Variants in ATP8B2 observed in about 807,000 individuals in gnomAD.
ATP8B2 encodes ATPase phospholipid transporting 8B2.
Under a neutral mutation model 133.4 loss-of-function variants are expected in ATP8B2, and 70 were observed. The ratio of observed to expected loss-of-function variants is 0.52; its 90% CI spans 0.43 to 0.64. The LOEUF (loss-of-function observed/expected upper bound fraction) is 0.64. Ranked by LOEUF, ATP8B2 falls within the 30% of genes least tolerant of loss-of-function variation. The pLI is 0.00. For synonymous variants in ATP8B2, 517 were observed against 589.5 expected (o/e 0.88, Z 1.78); for missense variants, 1,101 against 1,535.7 (o/e 0.72, Z 4.73).
chr1:154,334,508 G>C lies in ATP8B2; in HGVS notation c.754G>C (p.Asp252His), dbSNP rs373054368. The C allele has an allele frequency of 6.2e-7, 1 of 1,613,910 alleles. No homozygotes were observed. Among genetic ancestry groups the C allele is most frequent in the Non-Finnish European group, 8.5e-7 (1 of 1,180,022 alleles). Reference protein sequence around the residue: ...CFGLVIFAGPDTKLMQNSGRT... With the variant: ...CFGLVIFAGPHTKLMQNSGRT... ...CCCTTCCCATTCTTTTCCAGGTCCC[G>C]ACACTAAGCTGATGCAAAACAGCGG... The change falls in exon 11 of 28, where the codon GAC becomes CAC. Residue 252 changes from aspartate to histidine, a missense_variant. Transcript: ENST00000368489. This position sits in a 1 kb window ranked among gnomAD's most constrained non-coding sequence, Gnocchi z 4.6.
rs760108744 is a variant in ATP8B2, at chr1:154,343,898, C to T, written c.1764C>T (p.Tyr588=). 2.1e-5 allele frequency: 33 copies of T among 1,608,410 alleles called. No individual in the cohort carries two copies. The highest frequency in any genetic ancestry group is 4.0e-5 in the African/African-American group (3 of 74,696). Residue 588 remains tyrosine, a synonymous_variant, in exon 18 of 28, where the codon TAC becomes TAT. Coordinates refer to ENST00000368489, the MANE Select transcript of ATP8B2 (RefSeq NM_001370597.1). This position sits in a 1 kb window ranked among gnomAD's most constrained non-coding sequence, Gnocchi z 5.8. ...LNTTMDHLNE[Y]AGEGLRTLVL... ...CCTTTCCACTCTGCCTCCAGGAGTA[C>T]GCAGGGGAAGGGCTGAGGACCCTGG...
rs954996857 is a variant in ATP8B2, at chr1:154,328,636, C to T, written c.31+464C>T. Among the ~76,000 whole-genome samples, 2 of 152,102 alleles carry T rather than the reference C, an allele frequency of 1.3e-5. No homozygotes were observed. Among genetic ancestry groups the T allele is most frequent in the Non-Finnish European group, 2.9e-5 (2 of 67,978 alleles). ...CGGGGGTGGGAGGGGAGGCGGGGCTCGCGCGCGAGCTTTCGCCTACGCGGC... is the reference window on the plus strand; with the variant it reads ...CGGGGGTGGGAGGGGAGGCGGGGCTTGCGCGCGAGCTTTCGCCTACGCGGC... On this transcript the variant is annotated intron_variant, in intron 2 of 27. Transcript: ENST00000368489. The surrounding 1 kb of genome is among the most constrained non-coding windows in gnomAD (Gnocchi z 4.6).
At position 154,346,765 on chromosome 1, in the gene ATP8B2, C is replaced by T. The variant is rs754511259; in HGVS notation, c.3163+7C>T. The T allele has an allele frequency of 2.5e-6, 4 of 1,613,874 alleles. No individual in the cohort carries two copies. The South Asian group carries it at 3.3e-5, about 13-fold the overall frequency. ...AACCAGTTCCGGTTTGTGGGTAAGT[C>T]CCCGTGGCCTCCTTGAATCGGTGAG... On this transcript the variant is annotated splice_region_variant and intron_variant, in intron 26 of 27. Coordinates refer to ENST00000368489, the MANE Select transcript of ATP8B2 (RefSeq NM_001370597.1). This position sits in a 1 kb window ranked among gnomAD's most constrained non-coding sequence, Gnocchi z 4.5.
Position 154,346,693 on chromosome 1 carries a change from C to T in ATP8B2, c.3098C>T (p.Ala1033Val). 1 of 1,614,202 alleles carries T rather than the reference C, an allele frequency of 6.2e-7. No individual in the cohort carries two copies. Among genetic ancestry groups the T allele is most frequent in the Non-Finnish European group, 8.5e-7 (1 of 1,180,036 alleles). The change falls in exon 26 of 28, where the codon GCC (alanine) becomes GTC (valine). Residue 1033 changes from alanine to valine, a missense_variant. Physicochemically the swap from Ala to Val is moderately conservative, Grantham distance 64. Transcript: ENST00000368489. The surrounding 1 kb of genome is among the most constrained non-coding windows in gnomAD (Gnocchi z 4.5). Reference protein sequence around the residue: ...FIWGSLAVYFAILFAMHSNGL... With the variant: ...FIWGSLAVYFVILFAMHSNGL... ...TGGGGAAGCCTTGCTGTTTACTTTG[C>T]CATCCTCTTTGCCATGCACAGCAAT...
Position 154,340,883 on chromosome 1 carries a change from A to G in ATP8B2, c.1064A>G (p.Tyr355Cys). Residue 355 changes from tyrosine (Y) to cysteine (C), a missense_variant, in exon 13 of 28, where the codon TAC becomes TGC. By Grantham distance (194) the Tyr-to-Cys change is radical. Coordinates refer to ENST00000368489, the MANE Select transcript of ATP8B2 (RefSeq NM_001370597.1). This position sits in a 1 kb window ranked among gnomAD's most constrained non-coding sequence, Gnocchi z 4.0. ...GAGGTCATCCGTCTGGGCCACAGCT[A>G]CTTCATCAACTGGGATAAGAAGATG... Reference protein sequence around the residue: ...SVEVIRLGHSYFINWDKKMFC... With the variant: ...SVEVIRLGHSCFINWDKKMFC... The G allele has an allele frequency of 6.2e-7, 1 of 1,614,174 alleles. No individual in the cohort carries two copies. Among genetic ancestry groups the G allele is most frequent in the Non-Finnish European group, 8.5e-7 (1 of 1,180,030 alleles).
In ATP8B2 at chr1:154,328,623, G is replaced by A. The variant is rs922531401; in HGVS notation, c.31+451G>A. On this transcript the variant is annotated intron_variant, in intron 2 of 27. Coordinates refer to ENST00000368489, the MANE Select transcript of ATP8B2 (RefSeq NM_001370597.1). The surrounding 1 kb of genome is among the most constrained non-coding windows in gnomAD (Gnocchi z 4.6). ...CATTGGCCCGGCCCGGGGGTGGGAG[G>A]GGAGGCGGGGCTCGCGCGCGAGCTT... Among the ~76,000 whole-genome samples the A allele has an allele frequency of 6.6e-6, 1 of 152,130 alleles. No individual in the cohort carries two copies. The highest frequency in any genetic ancestry group is 2.4e-5 in the African/African-American group (1 of 41,428).
In ATP8B2 at chr1:154,340,686, C is replaced by T. The variant is rs957229030; in HGVS notation, c.1035-168C>T. The T allele has an allele frequency of 2.4e-5, 16 of 654,906 alleles. No individual in the cohort carries two copies. The highest frequency in any genetic ancestry group is 1.3e-4 in the East Asian group (5 of 37,040). The allele number at this position is 654,906 out of a possible 1,614,324, so 40.6% of individuals were successfully genotyped here. A position where few individuals can be genotyped will look rare whatever the true frequency, so the allele number is the denominator to read the frequency against. Reference sequence around the variant, plus strand: ...CGTTCCTCTGCTGGCTGTGTGCAGCCGGCTCCACCTTCAGGCTCTCCTTGC... The same window carrying T: ...CGTTCCTCTGCTGGCTGTGTGCAGCTGGCTCCACCTTCAGGCTCTCCTTGC... On this transcript the variant is annotated intron_variant, in intron 12 of 27. Transcript: ENST00000368489. The surrounding 1 kb of genome is among the most constrained non-coding windows in gnomAD (Gnocchi z 4.0).
At chr1:154,329,061 C>T in intron 2 of ATP8B2, 7 of 1,302,694 alleles carry the variant, frequency 5.4e-6, no homozygotes, top group Non-Finnish European at 7.1e-6. Flanking sequence ...CGAAAGAAGC[C>T]CTCTTGGGGG....
chr1:154,343,048 T>C lies in ATP8B2; in HGVS notation c.1454-65T>C, dbSNP rs1686439925. 6.3e-7 allele frequency: 1 copy of C among 1,595,822 alleles called. No individual in the cohort carries two copies. Among genetic ancestry groups the C allele is most frequent in the Non-Finnish European group, 8.5e-7 (1 of 1,169,786 alleles). ...TCTGCAATGCGGCTGGGCTGGGGCT[T>C]CCTGGGCGGGGCACGTGGCTGAGGG... is the stretch of plus-strand genomic sequence containing the variant. On this transcript the variant is annotated intron_variant, in intron 15 of 27. Transcript: ENST00000368489. The surrounding 1 kb of genome is among the most constrained non-coding windows in gnomAD (Gnocchi z 5.8).
In ATP8B2 at chr1:154,349,134, G is replaced by A. The variant is rs886825114; in HGVS notation, c.*16G>A. 8.7e-6 allele frequency: 14 copies of A among 1,608,202 alleles called. No individual in the cohort carries two copies. Among genetic ancestry groups the A allele is most frequent in the Non-Finnish European group, 1.2e-5 (14 of 1,175,930 alleles). On this transcript the variant is annotated 3_prime_UTR_variant, in exon 28 of 28. Coordinates refer to ENST00000368489, the MANE Select transcript of ATP8B2 (RefSeq NM_001370597.1). ...CAAGGGCTGAAGGCCGAGGATGGAT[G>A]CCCTGTGCCAGTGACCAGAGCACCC... is the stretch of plus-strand genomic sequence containing the variant.
intron 13 of ATP8B2, chr1:154,341,933 G>A (rs904342988): frequency 2.6e-5 from 4 of 156,796 alleles, no homozygotes; most frequent in Admixed American, 6.2e-5. Context: ...CTGGCCAGGC[G>A]GAACCCTGCT....
intron 1 of ATP8B2, among the ~76,000 whole-genome samples, chr1:154,325,927 C>G (rs1461153979): frequency 6.6e-6 from 1 of 151,998 alleles, no homozygotes; most frequent in Non-Finnish European, 1.5e-5. Context: ...CGGGGGTCTG[C>G]GTACAGGATG....
In ATP8B2 at chr1:154,334,478, C is replaced by T. The variant is rs751668081; in HGVS notation, c.749-25C>T. ...AGAGGCAGATGTGTTATTTGGCTTTCCCAGCCCTTCCCATTCTTTTCCAGG... is the reference window on the plus strand; with the variant it reads ...AGAGGCAGATGTGTTATTTGGCTTTTCCAGCCCTTCCCATTCTTTTCCAGG... On this transcript the variant is annotated intron_variant, in intron 10 of 27. Transcript: ENST00000368489. The surrounding 1 kb of genome is among the most constrained non-coding windows in gnomAD (Gnocchi z 4.6). 6.2e-7 allele frequency: 1 copy of T among 1,612,088 alleles called. No homozygotes were observed. The highest frequency in any genetic ancestry group is 1.3e-5 in the African/African-American group (1 of 74,872).
intron 2 of ATP8B2, 75 bp from the exon 3 acceptor site, chr1:154,330,321 A>C: frequency 7.3e-7 from 1 of 1,361,748 alleles, no homozygotes; most frequent in Non-Finnish European, 1.0e-6. Context: ...GTGGAAAAAA[A>C]CAGGGAACCC....
intron 26 of ATP8B2, among the ~76,000 whole-genome samples, chr1:154,347,609 A>C (rs901729166): frequency 1.3e-5 from 2 of 152,116 alleles, no homozygotes; most frequent in African/African-American, 4.8e-5. Context: ...GGCTCGGAAT[A>C]GAGTAAAAGG....
At chr1:154,341,453 C>T (rs1405809423) in intron 13 of ATP8B2, 1 of 320,100 alleles carries the variant, frequency 3.1e-6, no homozygotes, top group Non-Finnish European at 6.1e-6. Flanking sequence ...TGATCTTCCA[C>T]TGCACTCCAG....
In ATP8B2 at chr1:154,345,942, A is replaced by T; in HGVS notation, c.2778+59A>T. ...GGGAAGGTCACTGCTTGAAGGAGTC[A>T]CATAGACGTGGTGTGTGACACTTGT... On this transcript the variant is annotated intron_variant, in intron 24 of 27. Coordinates refer to ENST00000368489, the MANE Select transcript of ATP8B2 (RefSeq NM_001370597.1). The surrounding 1 kb of genome is among the most constrained non-coding windows in gnomAD (Gnocchi z 5.6). 6.8e-7 allele frequency: 1 copy of T among 1,462,492 alleles called. No homozygotes were observed. Among genetic ancestry groups the T allele is most frequent in the Non-Finnish European group, 9.6e-7 (1 of 1,044,594 alleles). The allele number at this position is 1,462,492 out of a possible 1,614,324, so 90.6% of individuals were successfully genotyped here.
In ATP8B2 at chr1:154,346,168, G is replaced by T. The variant is rs1398144084; in HGVS notation, c.2779-63G>T. 2.5e-6 allele frequency: 4 copies of T among 1,577,424 alleles called. No individual in the cohort carries two copies. The Admixed American group carries it at 5.2e-5, about 20-fold the overall frequency. The stretch of plus-strand genomic sequence containing the variant: ...AGGGACAGAGTCAGAGTCTGCCCTT[G>T]GTCATCCAGGGTCAAAACGGCAACC... On this transcript the variant is annotated intron_variant, in intron 24 of 27. Coordinates refer to ENST00000368489, the MANE Select transcript of ATP8B2 (RefSeq NM_001370597.1). The surrounding 1 kb of genome is among the most constrained non-coding windows in gnomAD (Gnocchi z 4.5).
In ATP8B2 at chr1:154,340,948, A is replaced by T; in HGVS notation, c.1129A>T (p.Thr377Ser). ...KKRTPAEARTTTLNEELGQVE... is the reference protein window; with the variant it reads ...KKRTPAEARTSTLNEELGQVE... Reference sequence around the variant, plus strand: ...GCGGACGCCTGCAGAAGCCCGCACCACCACCCTAAACGAGGAGCTGGGCCA... The same window carrying T: ...GCGGACGCCTGCAGAAGCCCGCACCTCCACCCTAAACGAGGAGCTGGGCCA... The change falls in exon 13 of 28, where the codon ACC (threonine) becomes TCC (serine). Residue 377 changes from threonine (T) to serine (S), a missense_variant. Transcript: ENST00000368489. The surrounding 1 kb of genome is among the most constrained non-coding windows in gnomAD (Gnocchi z 4.0). 1 of 1,614,160 alleles carries T rather than the reference A, an allele frequency of 6.2e-7. No homozygotes were observed. Among genetic ancestry groups the T allele is most frequent in the Non-Finnish European group, 8.5e-7 (1 of 1,180,018 alleles).
Sources: allele counts gnomAD v4.1 joint callset (sites outside exome capture counted in the v4.1 genomes callset), GRCh38; gene constraint gnomAD v4.1.1; non-coding constraint Gnocchi (gnomAD v3.1); transcripts MANE v1.5; gene names NCBI Gene and HGNC (gene_info 2026-07-23, HGNC 2026-07-21).